FAM135B: variants seen among roughly 807,000 people sequenced by gnomAD.
FAM135B encodes the protein protein FAM135B.
In FAM135B, 43 loss-of-function variants were observed where a neutral mutation model predicts 127.7. That is an observed-to-expected ratio of 0.34 (90% CI 0.26 to 0.43). The LOEUF is 0.43. FAM135B is among the 20% of genes least tolerant of loss of function. The pLI is 1.00. For missense variants in FAM135B, 1,558 were observed against 1,725.6 expected (o/e 0.90, Z 1.72); for synonymous variants, 670 against 665.1 (o/e 1.01, Z -0.11).
chr8:138,447,681 A>G (rs977929845), intron 1 of FAM135B, among the ~76,000 whole-genome samples: 18 of 152,032 alleles, frequency 1.2e-4, no homozygotes, highest in African/African-American at 4.1e-4. Flanking sequence ...GATGGGAGGG[A>G]TAGCATTAGG....
chr8:138,266,440 A>T (rs954285298), intron 3 of FAM135B, among the ~76,000 whole-genome samples: 1 of 152,020 alleles, frequency 6.6e-6, no homozygotes, highest in African/African-American at 2.4e-5. Flanking sequence ...CCTAAACGGT[A>T]CTTCAAAGTT....
At chr8:138,155,146 T>C (rs577773494) in intron 12 of FAM135B, among the ~76,000 whole-genome samples, 1 of 152,322 alleles carries the variant, frequency 6.6e-6, no homozygotes, top group African/African-American at 2.4e-5. Context: ...ATATTCAACA[T>C]TCTTAAAGAA....
chr8:138,329,225 C>T (rs1046079915), intron 2 of FAM135B, among the ~76,000 whole-genome samples: 1 of 152,032 alleles, frequency 6.6e-6, no homozygotes. Flanking sequence ...GAGAGAGAGA[C>T]GATAGAGGAA....
At chr8:138,385,963 G>T (rs1409873852) in intron 1 of FAM135B, among the ~76,000 whole-genome samples, 1 of 152,154 alleles carries the variant, frequency 6.6e-6, no homozygotes, top group Non-Finnish European at 1.5e-5. Context: ...GCTCATGCCT[G>T]TAATTCCAGC....
intron 1 of FAM135B, among the ~76,000 whole-genome samples, chr8:138,479,154 T>G (rs1814656300): frequency 6.6e-6 from 1 of 152,198 alleles, no homozygotes; most frequent in Non-Finnish European, 1.5e-5. Context: ...GGTGTGGAAC[T>G]TCCATGCCCT....
intron 1 of FAM135B, among the ~76,000 whole-genome samples, chr8:138,461,778 C>T (rs1162215843): frequency 1.3e-5 from 2 of 152,192 alleles, no homozygotes; most frequent in Non-Finnish European, 2.9e-5. Context: ...CTGCCTTCCT[C>T]TACAAGACAT....
At chr8:138,380,260 C>T (rs376923240) in intron 1 of FAM135B, among the ~76,000 whole-genome samples, 5 of 151,944 alleles carry the variant, frequency 3.3e-5, no homozygotes, top group African/African-American at 7.3e-5. Flanking sequence ...CGTAGTGGTG[C>T]GATCTTGGCT....
chr8:138,141,469 G>A lies in FAM135B; in HGVS notation c.3639-120C>T. Reference sequence around the variant, plus strand: ...CCTCCCACTGAATGTAGGGGAACTGGCAAAGAGAACAGGGACTGCCAACTC... The same window carrying A: ...CCTCCCACTGAATGTAGGGGAACTGACAAAGAGAACAGGGACTGCCAACTC... On this transcript the variant is annotated intron_variant, in intron 16 of 19. Transcript: ENST00000395297. This position sits in a 1 kb window ranked among gnomAD's most constrained non-coding sequence, Gnocchi z 4.7. 1 of 1,038,334 alleles carries A rather than the reference G, an allele frequency of 9.6e-7. No individual in the cohort carries two copies. The highest frequency in any genetic ancestry group is 1.5e-5 in the South Asian group (1 of 67,330). The allele number at this position is 1,038,334 out of a possible 1,614,324, so 64.3% of individuals were successfully genotyped here. A position where few individuals can be genotyped will look rare whatever the true frequency, so the allele number is the denominator to read the frequency against.
intron 2 of FAM135B, chr8:138,358,675 T>G (rs1260932912): frequency 1.3e-5 from 2 of 152,218 alleles, no homozygotes; most frequent in Non-Finnish European, 2.9e-5. Flanking sequence ...CTTAAATGTC[T>G]CTGATTTTCT....
Position 138,152,995 on chromosome 8 carries a change from T to C in FAM135B, c.1480A>G (p.Met494Val), listed in dbSNP as rs772405930. 2.5e-6 allele frequency: 4 copies of C among 1,614,094 alleles called. No homozygotes were observed. Among genetic ancestry groups the C allele is most frequent in the African/African-American group, 1.3e-5 (1 of 74,932 alleles). ...ENVATQNHMD[M>V]CSESQVYISI... is the part of the protein sequence containing the mutation. ...ATATACACCTGAGATTCAGAGCACA[T>C]GTCCATATGATTTTGTGTGGCCACA... Residue 494 changes from methionine (M) to valine (V), a missense_variant, in exon 13 of 20, where the codon ATG becomes GTG. Met to Val is a conservative substitution (Grantham distance 21). Transcript: ENST00000395297.
At chr8:138,412,091 G>T (rs566437320) in intron 1 of FAM135B, among the ~76,000 whole-genome samples, 1 of 152,260 alleles carries the variant, frequency 6.6e-6, no homozygotes, top group African/African-American at 2.4e-5. Flanking sequence ...GAGGGCAAGG[G>T]CTGAAAAACC....
chr8:138,363,178 T>C (rs1157252452), intron 2 of FAM135B, among the ~76,000 whole-genome samples: 1 of 152,122 alleles, frequency 6.6e-6, no homozygotes, highest in Non-Finnish European at 1.5e-5. Context: ...CATGACAACC[T>C]TTTTGGGTAG....
At chr8:138,380,235 C>T (rs1831761926) in intron 1 of FAM135B, among the ~76,000 whole-genome samples, 1 of 151,806 alleles carries the variant, frequency 6.6e-6, no homozygotes, top group Admixed American at 6.6e-5. Context: ...TCTTGCTCTG[C>T]CACCCAAGCT....
chr8:138,185,240 C>A (rs1815441389), intron 9 of FAM135B, among the ~76,000 whole-genome samples: 1 of 152,210 alleles, frequency 6.6e-6, no homozygotes, highest in Admixed American at 6.5e-5. Flanking sequence ...ATGTAACATA[C>A]TAATCAATGG....
At chr8:138,321,770 T>G (rs962446003) in intron 2 of FAM135B, among the ~76,000 whole-genome samples, 1 of 152,212 alleles carries the variant, frequency 6.6e-6, no homozygotes, top group Non-Finnish European at 1.5e-5. Flanking sequence ...ACAATGATGA[T>G]GAAGATGGCT....
chr8:138,149,564 G>A (rs1471450585), intron 13 of FAM135B, among the ~76,000 whole-genome samples: 1 of 152,170 alleles, frequency 6.6e-6, no homozygotes, highest in Non-Finnish European at 1.5e-5. Flanking sequence ...TGATGGTTAG[G>A]GGACTGGACT....
Position 138,284,100 on chromosome 8 carries a change from A to G in FAM135B, c.158-18258T>C, listed in dbSNP as rs561856692. Among the ~76,000 whole-genome samples, 13 of 152,360 alleles carry G rather than the reference A, an allele frequency of 8.5e-5. No homozygotes were observed. The East Asian group carries it at 2.3e-3, about 27-fold the overall frequency. ...CTCTAAAAAATAAAATCTGTTAAAA[A>G]AAACTTTTTATCACTACTAGAAAAA... On this transcript the variant is annotated intron_variant, in intron 3 of 19. Coordinates refer to ENST00000395297, the MANE Select transcript of FAM135B (RefSeq NM_015912.4).
intron 16 of FAM135B, among the ~76,000 whole-genome samples, chr8:138,142,199 T>C (rs899546741): frequency 2.6e-5 from 4 of 151,918 alleles, no homozygotes; most frequent in African/African-American, 9.7e-5. Context: ...ACTAGCACTG[T>C]CGTCACTGAA....
At chr8:138,456,768 T>C (rs1248621368) in intron 1 of FAM135B, among the ~76,000 whole-genome samples, 1 of 152,182 alleles carries the variant, frequency 6.6e-6, no homozygotes, top group Non-Finnish European at 1.5e-5. Flanking sequence ...AAAGAGAAGA[T>C]GAAAAGGACA....
Sources: gnomAD v4.1 joint callset for allele counts (sites outside exome capture counted in the v4.1 genomes callset) on GRCh38, gnomAD v4.1.1 for gene constraint, Gnocchi (gnomAD v3.1) non-coding constraint, MANE v1.5 for transcripts, NCBI Gene and HGNC (gene_info 2026-07-23, HGNC 2026-07-21) for gene names.